The following EYS variants were observed in gnomAD, a reference collection of about 807,000 sequenced individuals.
The protein encoded by EYS is EGF-like photoreceptor maintenance factor.
A neutral mutation model predicts 282.1 loss-of-function variants in EYS; 250 were observed. The observed-to-expected ratio is 0.89, with a 90% CI of 0.80 to 0.98. The LOEUF is 0.98. EYS is among the 50% of genes least tolerant of loss of function. EYS has a pLI of 0.00. For missense variants in EYS, 4,016 were observed against 3,709.0 expected (o/e 1.08, Z -2.15); for synonymous variants, 1,355 against 1,282.9 (o/e 1.06, Z -1.20).
chr6:64,524,036 C>T (rs774161835), intron 26 of EYS, among the ~76,000 whole-genome samples: 3 of 151,452 alleles, frequency 2.0e-5, no homozygotes, highest in African/African-American at 4.8e-5. Flanking sequence ...ACTTATCATC[C>T]AGGAAACATG....
At chr6:64,198,062 G>C (rs965738173) in intron 31 of EYS, among the ~76,000 whole-genome samples, 4 of 151,526 alleles carry the variant, frequency 2.6e-5, no homozygotes, top group African/African-American at 9.7e-5. Context: ...GCGTGATCTC[G>C]GCTCACTGCA....
intron 22 of EYS, among the ~76,000 whole-genome samples, chr6:64,648,861 G>T (rs942644402): frequency 1.3e-5 from 2 of 152,108 alleles, no homozygotes; most frequent in Non-Finnish European, 2.9e-5. Flanking sequence ...TGTTTTACAT[G>T]GAGTTTAATA....
chr6:65,643,692 T>C (rs1401032420), intron 1 of EYS, among the ~76,000 whole-genome samples: 1 of 151,970 alleles, frequency 6.6e-6, no homozygotes, highest in Non-Finnish European at 1.5e-5. Flanking sequence ...TCCCCTACTA[T>C]CTCCACCAGA....
At chr6:64,384,411 C>T (rs890339772) in intron 29 of EYS, among the ~76,000 whole-genome samples, 1 of 152,094 alleles carries the variant, frequency 6.6e-6, no homozygotes, top group Admixed American at 6.6e-5. Flanking sequence ...TGCAATCACA[C>T]ATGTGTTTTC....
At chr6:64,659,331 T>A (rs1308057535) in intron 22 of EYS, among the ~76,000 whole-genome samples, 1 of 150,862 alleles carries the variant, frequency 6.6e-6, no homozygotes, top group Non-Finnish European at 1.5e-5. Context: ...AAGAACTAGA[T>A]AAGAAAGAGC....
At chr6:63,960,244 G>A (rs1052979751) in intron 35 of EYS, among the ~76,000 whole-genome samples, 2 of 152,086 alleles carry the variant, frequency 1.3e-5, no homozygotes, top group African/African-American at 2.4e-5. Context: ...TTGAGGGTTC[G>A]GGACTTCAGT....
intron 41 of EYS, among the ~76,000 whole-genome samples, chr6:63,737,913 A>G (rs1259246889): frequency 6.6e-6 from 1 of 152,202 alleles, no homozygotes; most frequent in Non-Finnish European, 1.5e-5. Flanking sequence ...ACCCCATCAA[A>G]AAGTGGGTGA....
intron 2 of EYS, among the ~76,000 whole-genome samples, chr6:65,604,336 T>A (rs144745927): frequency 0.013 from 1,985 of 152,092 alleles, 31 homozygotes; most frequent in African/African-American, 0.044. Flanking sequence ...TAAGTAATTT[T>A]ACAATGTTGA....
At chr6:64,440,388 A>AT (rs1774900034) in intron 26 of EYS, among the ~76,000 whole-genome samples, 2 of 151,514 alleles carry the variant, frequency 1.3e-5, no homozygotes, top group Admixed American at 6.6e-5. Context: ...GCCTCAAATT[A>AT]ATTTTTTTCA....
At chr6:64,151,311 GTATATTTATATATATATATA>G (rs1297331132) in intron 31 of EYS, among the ~76,000 whole-genome samples, 23 of 87,170 alleles carry the variant, frequency 2.6e-4, no homozygotes, top group Admixed American at 5.8e-4. Context: ...GTGTGTGTGT[GTATATTTATATATATATATA>G]TATATATATA....
At chr6:64,741,857 T>C (rs945004569) in intron 22 of EYS, among the ~76,000 whole-genome samples, 5 of 152,206 alleles carry the variant, frequency 3.3e-5, no homozygotes, top group African/African-American at 1.2e-4. Context: ...CTAAAGAGAA[T>C]GTCATACCTG....
intron 2 of EYS, among the ~76,000 whole-genome samples, chr6:65,630,483 T>A (rs1188733258): frequency 6.6e-6 from 1 of 152,220 alleles, no homozygotes; most frequent in Non-Finnish European, 1.5e-5. Flanking sequence ...AACTTACATA[T>A]TTCTCAATGT....
At chr6:65,609,423 G>C (rs973916910) in intron 2 of EYS, among the ~76,000 whole-genome samples, 2 of 151,576 alleles carry the variant, frequency 1.3e-5, no homozygotes, top group Middle Eastern at 3.2e-3. Context: ...AATAGAGAAT[G>C]TACCCTTGTT....
At chr6:64,133,332 G>C (rs1774046874) in intron 31 of EYS, among the ~76,000 whole-genome samples, 1 of 151,814 alleles carries the variant, frequency 6.6e-6, no homozygotes, top group African/African-American at 2.4e-5. Flanking sequence ...CATATCTCAG[G>C]CTTACTAACA....
intron 34 of EYS, among the ~76,000 whole-genome samples, chr6:63,986,961 C>T (rs768908835): frequency 3.3e-5 from 5 of 151,386 alleles, no homozygotes; most frequent in African/African-American, 9.7e-5. Context: ...AGAAGTCAGA[C>T]TATCTTAAAG....
chr6:64,818,383 A>C (rs1764802458), intron 21 of EYS, among the ~76,000 whole-genome samples: 1 of 152,270 alleles, frequency 6.6e-6, no homozygotes, highest in East Asian at 1.9e-4. Context: ...AAAGTGTATT[A>C]GGTTTCTCTA....
intron 35 of EYS, among the ~76,000 whole-genome samples, chr6:63,879,816 G>A (rs1773079642): frequency 6.6e-6 from 1 of 152,118 alleles, no homozygotes. Flanking sequence ...TGAAGCATCT[G>A]GGGTGACTGC....
chr6:64,907,159 C>T (rs565091788), intron 16 of EYS, among the ~76,000 whole-genome samples: 2 of 152,198 alleles, frequency 1.3e-5, no homozygotes, highest in East Asian at 3.9e-4. Context: ...CTCTAGTGAT[C>T]CCTCCTGCTT....
intron 10 of EYS, among the ~76,000 whole-genome samples, chr6:65,341,712 T>G (rs1770205930): frequency 6.6e-6 from 1 of 151,220 alleles, no homozygotes; most frequent in Non-Finnish European, 1.5e-5. Flanking sequence ...TGAAAATAGG[T>G]TTTTCTTCAT....
Sources: gnomAD v4.1 joint callset for allele counts (sites outside exome capture counted in the v4.1 genomes callset) on GRCh38, gnomAD v4.1.1 for gene constraint, MANE v1.5 for transcripts, NCBI Gene and HGNC (gene_info 2026-07-23, HGNC 2026-07-21) for gene names.